The following LGR4 variants were observed in gnomAD, a reference collection of about 807,000 sequenced individuals.
LGR4 encodes leucine-rich repeat-containing G protein-coupled receptor 4.
LGR4 carries 44 observed loss-of-function variants against 84.8 expected under a neutral mutation model. The observed-to-expected ratio is 0.52, with a 90% CI of 0.41 to 0.67. LGR4 has a LOEUF of 0.67. Among genes scored for constraint, LGR4 ranks in the 30% least tolerant of loss-of-function variants. The pLI, the probability that LGR4 is intolerant of heterozygous loss-of-function variation, is 0.00. For missense variants in LGR4, 1,032 were observed against 1,131.4 expected (o/e 0.91, Z 1.26); for synonymous variants, 429 against 434.3 (o/e 0.99, Z 0.15).
rs1052435317 is a variant in LGR4, at chr11:27,367,650, C to A, written c.*217G>T. ...AGTCATATATTTGTTTCAAACAGAT[C>A]ATACATTGCTTGGACATTGCATTTT... On this transcript the variant is annotated 3_prime_UTR_variant, in exon 18 of 18. Transcript: ENST00000379214. 1 of 469,474 alleles carries A rather than the reference C, an allele frequency of 2.1e-6. No homozygotes were observed. The allele number at this position is 469,474 out of a possible 1,614,324, so 29.1% of individuals were successfully genotyped here. A position where few individuals can be genotyped will look rare whatever the true frequency, so the allele number is the denominator to read the frequency against.
At position 27,470,727 on chromosome 11, in the gene LGR4, AC is replaced by A. The variant is rs1864855424; in HGVS notation, c.185+1390del. ...TTCACTATACTGAAAAAAAAAAAAA[AC>A]CTCAAATACATAACTAAAACTAACC... On this transcript the variant is annotated intron_variant, in intron 1 of 17. Coordinates refer to ENST00000379214, the MANE Select transcript of LGR4 (RefSeq NM_018490.5). 3.5e-5 allele frequency among the ~76,000 whole-genome samples: 5 copies of A among 143,530 alleles called. No homozygotes were observed. In the South Asian group the frequency reaches 1.1e-3, roughly 32 times the overall value. The allele number at this position is 143,530 out of a possible 152,430, so 94.2% of individuals were successfully genotyped here. A position where few individuals can be genotyped will look rare whatever the true frequency, so the allele number is the denominator to read the frequency against.
chr11:27,385,815 C>CA (rs66507121), intron 4 of LGR4, among the ~76,000 whole-genome samples: 52,269 of 146,750 alleles, frequency 0.36, 9,610 homozygotes, highest in African/African-American at 0.46. Flanking sequence ...ATCAGGCATA[C>CA]AAAAAAAAAA....
At chr11:27,469,728 T>G (rs1400736899) in intron 1 of LGR4, among the ~76,000 whole-genome samples, 1 of 152,206 alleles carries the variant, frequency 6.6e-6, no homozygotes, top group African/African-American at 2.4e-5. Context: ...GTTCACATGC[T>G]CCAGCAATTA....
At chr11:27,459,020 C>T (rs905619996) in intron 1 of LGR4, among the ~76,000 whole-genome samples, 8 of 151,946 alleles carry the variant, frequency 5.3e-5, no homozygotes, top group Admixed American at 5.2e-4. Flanking sequence ...TTAAATGAGC[C>T]AATAAATTTA....
rs1864901297 is a variant in LGR4 at position 27,472,557 on chromosome 11, G to A, written c.-255C>T. The A allele has an allele frequency of 2.6e-6, 1 of 380,988 alleles. No individual in the cohort carries two copies. Among genetic ancestry groups the A allele is most frequent in the Non-Finnish European group, 4.7e-6 (1 of 214,634 alleles). The allele number at this position is 380,988 out of a possible 1,614,324, so 23.6% of individuals were successfully genotyped here. A position where few individuals can be genotyped will look rare whatever the true frequency, so the allele number is the denominator to read the frequency against. On this transcript the variant is annotated 5_prime_UTR_variant, in exon 1 of 18. Coordinates refer to ENST00000379214, the MANE Select transcript of LGR4 (RefSeq NM_018490.5). The stretch of plus-strand genomic sequence containing the variant: ...GCTCCTCCGGCGGCTCACGCCAGCC[G>A]GGCCGGCCCGGCGCAGCGGCGGGGG...
chr11:27,428,430 C>A lies in LGR4; in HGVS notation c.186-15570G>T, dbSNP rs535523724. Among the ~76,000 whole-genome samples the A allele has an allele frequency of 1.3e-4, 20 of 152,306 alleles. 2 individuals are homozygous for A. The highest frequency in any genetic ancestry group is 7.2e-4 in the Admixed American group (11 of 15,298). On this transcript the variant is annotated intron_variant, in intron 1 of 17. Transcript: ENST00000379214. Reference sequence around the variant, plus strand: ...CTGGGATTACAGGCGTGAGCCACCACGCCCGGCCTATCTTGCGCTCTTTTT... The same window carrying A: ...CTGGGATTACAGGCGTGAGCCACCAAGCCCGGCCTATCTTGCGCTCTTTTT...
At chr11:27,380,789 C>T in intron 8 of LGR4, 78 bp from the exon 9 acceptor site, 5 of 1,216,250 alleles carry the variant, frequency 4.1e-6, no homozygotes, top group Non-Finnish European at 4.8e-6. Context: ...TCACAATGTA[C>T]ATATATCTAA....
chr11:27,451,989 G>A (rs1042843388), intron 1 of LGR4, among the ~76,000 whole-genome samples: 17 of 152,296 alleles, frequency 1.1e-4, no homozygotes, highest in African/African-American at 4.1e-4. Flanking sequence ...TAGCTGGGGG[G>A]AATGTGGGCA....
intron 1 of LGR4, among the ~76,000 whole-genome samples, chr11:27,444,831 TC>T (rs1387092858): frequency 6.6e-6 from 1 of 152,180 alleles, no homozygotes; most frequent in Non-Finnish European, 1.5e-5. Context: ...AATTTGTTCT[TC>T]CCTCCCCCTC....
rs1864641258 is a variant in LGR4 at position 27,459,522 on chromosome 11, G to T, written c.185+12596C>A. 6.6e-5 allele frequency among the ~76,000 whole-genome samples: 10 copies of T among 151,712 alleles called. No individual in the cohort carries two copies. In the South Asian group the frequency reaches 2.1e-3, roughly 32 times the overall value. On this transcript the variant is annotated intron_variant, in intron 1 of 17. Coordinates refer to ENST00000379214, the MANE Select transcript of LGR4 (RefSeq NM_018490.5). ...GACAGAGTCTTGCTCCGTCACCCAG[G>T]CTAGAGTGCAGTGGTGCGATCTCGG... is the stretch of plus-strand genomic sequence containing the variant.
intron 2 of LGR4, among the ~76,000 whole-genome samples, chr11:27,407,580 T>C (rs992089267): frequency 2.0e-5 from 3 of 152,274 alleles, no homozygotes; most frequent in Non-Finnish European, 2.9e-5. Context: ...GTAAAGACTA[T>C]GAAAAAATAC....
At chr11:27,371,341 CA>C (rs1695162548) in intron 17 of LGR4, among the ~76,000 whole-genome samples, 1 of 152,162 alleles carries the variant, frequency 6.6e-6, no homozygotes, top group Non-Finnish European at 1.5e-5. Flanking sequence ...GTTAAAGGAG[CA>C]TTAAGAAAGT....
At chr11:27,426,470 A>G (rs1030130406) in intron 1 of LGR4, among the ~76,000 whole-genome samples, 1 of 152,214 alleles carries the variant, frequency 6.6e-6, no homozygotes, top group Non-Finnish European at 1.5e-5. Flanking sequence ...CCACTGAACT[A>G]GAAAGCACAG....
intron 1 of LGR4, among the ~76,000 whole-genome samples, chr11:27,429,826 T>A (rs538734520): frequency 6.6e-6 from 1 of 152,222 alleles, no homozygotes; most frequent in African/African-American, 2.4e-5. Flanking sequence ...AGGATGTGTG[T>A]AAACATGTGA....
Position 27,432,358 on chromosome 11 carries a change from G to T in LGR4, c.186-19498C>A, listed in dbSNP as rs565458067. On this transcript the variant is annotated intron_variant, in intron 1 of 17. Coordinates refer to ENST00000379214, the MANE Select transcript of LGR4 (RefSeq NM_018490.5). Reference sequence around the variant, plus strand: ...ATTAGACATTTCCTGGAAGATGTCTGCAATTGAATGAAATTGCCCAGAGGT... The same window carrying T: ...ATTAGACATTTCCTGGAAGATGTCTTCAATTGAATGAAATTGCCCAGAGGT... Among the ~76,000 whole-genome samples, 3 of 152,154 alleles carry T rather than the reference G, an allele frequency of 2.0e-5. No homozygotes were observed. The South Asian group carries it at 6.2e-4, about 31-fold the overall frequency.
intron 17 of LGR4, among the ~76,000 whole-genome samples, chr11:27,370,272 A>C (rs1334920599): frequency 7.2e-5 from 11 of 152,228 alleles, no homozygotes; most frequent in Non-Finnish European, 1.5e-5. Context: ...AGAAACTCTT[A>C]TTTTAAATTT....
intron 2 of LGR4, among the ~76,000 whole-genome samples, chr11:27,403,957 T>G (rs1464735670): frequency 6.6e-6 from 1 of 152,190 alleles, no homozygotes; most frequent in African/African-American, 2.4e-5. Context: ...GGGAAAATGA[T>G]GAACAAATTC....
chr11:27,398,909 CTCTT>C (rs1357939519), intron 2 of LGR4, among the ~76,000 whole-genome samples: 1 of 152,082 alleles, frequency 6.6e-6, no homozygotes, highest in Non-Finnish European at 1.5e-5. Flanking sequence ...CTCTCTCTCT[CTCTT>C]TCTCTTTTTT....
rs764228602 is a variant in LGR4 at position 27,368,680 on chromosome 11, A to C, written c.2043T>G (p.Leu681=). 3 of 1,613,604 alleles carry C rather than the reference A, an allele frequency of 1.9e-6. No homozygotes were observed. The highest frequency in any genetic ancestry group is 2.5e-6 in the Non-Finnish European group (3 of 1,179,760). The part of the protein sequence containing the change: ...LGATVAGCFP[L]FHRGEYSASP... ...ATGCAGAATATTCCCCTCTATGGAAAAGGGGAAAACAGCCTGCTACTGTAG... is the reference window on the plus strand; with the variant it reads ...ATGCAGAATATTCCCCTCTATGGAACAGGGGAAAACAGCCTGCTACTGTAG... The change falls in exon 18 of 18, where the codon CTT becomes CTG. Residue 681 remains leucine, a synonymous_variant. Transcript: ENST00000379214.
Sources: gnomAD v4.1 joint callset for allele counts (sites outside exome capture counted in the v4.1 genomes callset) on GRCh38, gnomAD v4.1.1 for gene constraint, MANE v1.5 for transcripts, NCBI Gene and HGNC (gene_info 2026-07-23, HGNC 2026-07-21) for gene names.